VWA8: variants seen among roughly 807,000 people sequenced by gnomAD.
The protein encoded by VWA8 is von Willebrand factor A domain containing 8.
Under a neutral mutation model 241.5 loss-of-function variants are expected in VWA8, and 221 were observed. That is an observed-to-expected ratio of 0.91 (90% CI 0.82 to 1.02). The LOEUF (loss-of-function observed/expected upper bound fraction) is 1.02, where lower values mean the gene tolerates loss of function less well. VWA8 is among the 50% of genes least tolerant of loss of function. The pLI is 0.00. For missense variants in VWA8, 2,322 were observed against 2,328.7 expected (o/e 1.00, Z 0.06); for synonymous variants, 852 against 827.1 (o/e 1.03, Z -0.52).
At chr13:41,841,847 ATATATATAT>A (rs1872063605) in intron 12 of VWA8, among the ~76,000 whole-genome samples, 2 of 99,596 alleles carry the variant, frequency 2.0e-5, no homozygotes, top group Non-Finnish European at 3.9e-5. Flanking sequence ...ATATATATAT[ATATATATAT>A]ATAAAAACAG....
chr13:41,791,786 C>T (rs9532924), intron 17 of VWA8, among the ~76,000 whole-genome samples: 2,161 of 151,824 alleles, frequency 0.014, 30 homozygotes, highest in Middle Eastern at 0.037. Flanking sequence ...ATATTCATTT[C>T]CTACTGATGG....
intron 37 of VWA8, among the ~76,000 whole-genome samples, chr13:41,655,052 G>A (rs766434534): frequency 4.6e-5 from 7 of 151,546 alleles, no homozygotes; most frequent in Non-Finnish European, 4.4e-5. Flanking sequence ...TGTGTTGTTG[G>A]TTACGTTAGG....
rs758879710 is a variant in VWA8 at position 41,685,169 on chromosome 13, T to C, written c.4205A>G (p.Tyr1402Cys). 9.3e-6 allele frequency: 15 copies of C among 1,613,404 alleles called. No homozygotes were observed. The South Asian group carries it at 9.9e-5, about 11-fold the overall frequency. ...HKRSGTDTSF[Y>C]RGKKKRGTPK... ...AGTCCCCCTTTTCTTCTTTCCTCTA[T>C]AGAATGATGTATCAGTGCCACTTCG... The change falls in exon 35 of 45, where the codon TAT becomes TGT. Residue 1402 changes from tyrosine (Y) to cysteine (C), a missense_variant. Physicochemically the swap from Tyr to Cys is radical, Grantham distance 194. Coordinates refer to ENST00000379310, the MANE Select transcript of VWA8 (RefSeq NM_015058.2).
intron 16 of VWA8, among the ~76,000 whole-genome samples, chr13:41,815,942 CA>C (rs1421667178): frequency 6.6e-6 from 1 of 152,112 alleles, no homozygotes; most frequent in Non-Finnish European, 1.5e-5. Context: ...TAAGTAAAGA[CA>C]GCAGGAAAGC....
chr13:41,958,993 A>G (rs1388023073), intron 1 of VWA8, among the ~76,000 whole-genome samples: 2 of 152,208 alleles, frequency 1.3e-5, no homozygotes, highest in African/African-American at 4.8e-5. Flanking sequence ...ACAAAGAACA[A>G]TTGTTTTTTA....
chr13:41,782,545 G>A (rs1475954273), intron 19 of VWA8, among the ~76,000 whole-genome samples: 2 of 152,026 alleles, frequency 1.3e-5, no homozygotes, highest in African/African-American at 2.4e-5. Flanking sequence ...GATTGTGCAA[G>A]AGCATTAATG....
intron 12 of VWA8, among the ~76,000 whole-genome samples, chr13:41,864,141 T>TAAAAAAAAA (rs1173896404): frequency 1.7e-5 from 2 of 114,302 alleles, no homozygotes; most frequent in Non-Finnish European, 3.6e-5. Context: ...ATGATGATTA[T>TAAAAAAAAA]AAAAAAAAAA....
At chr13:41,886,877 CAG>C in intron 6 of VWA8, 47 bp from the exon 7 acceptor site, 1 of 1,408,726 alleles carries the variant, frequency 7.1e-7, no homozygotes, top group Non-Finnish European at 9.8e-7. Flanking sequence ...AGAAATGTAA[CAG>C]ATTAAATGCA....
At chr13:41,887,424 G>T in intron 5 of VWA8, 63 bp from the exon 6 acceptor site, 1 of 1,524,028 alleles carries the variant, frequency 6.6e-7, no homozygotes, top group Non-Finnish European at 8.8e-7. Context: ...TGTAAGAGCT[G>T]CCAAGTCCAG....
At chr13:41,839,933 T>C (rs143495765) in intron 12 of VWA8, among the ~76,000 whole-genome samples, 35,222 of 152,152 alleles carry the variant, frequency 0.23, 5,120 homozygotes, top group Non-Finnish European at 0.31. Flanking sequence ...TTGATGGGGA[T>C]AGCATTGAAT....
At chr13:41,868,502 C>T (rs1338308233) in intron 9 of VWA8, 25 bp from the exon 10 acceptor site, 2 of 1,602,402 alleles carry the variant, frequency 1.2e-6, no homozygotes, top group African/African-American at 1.3e-5. Flanking sequence ...GAAAATCATG[C>T]AATTTACTTT....
At chr13:41,673,818 C>T (rs1426860905) in intron 36 of VWA8, among the ~76,000 whole-genome samples, 6 of 152,160 alleles carry the variant, frequency 3.9e-5, no homozygotes, top group Non-Finnish European at 7.3e-5. Context: ...TGGCTCTGGG[C>T]TGTGCACACA....
In VWA8 at chr13:41,924,579, G is replaced by A. The variant is rs144833221; in HGVS notation, c.242-12411C>T. Among the ~76,000 whole-genome samples, 936 of 152,218 alleles carry A rather than the reference G, an allele frequency of 6.1e-3. 6 individuals are homozygous for A. The highest frequency in any genetic ancestry group is 0.021 in the African/African-American group (891 of 41,536). Reference sequence around the variant, plus strand: ...CATTATGGGATATTCAGATGGAGAGGAGACAAAGACAGGGACAGAAAGCTT... The same window carrying A: ...CATTATGGGATATTCAGATGGAGAGAAGACAAAGACAGGGACAGAAAGCTT... On this transcript the variant is annotated intron_variant, in intron 2 of 44. Transcript: ENST00000379310.
At chr13:41,871,774 A>T (rs1418942830) in intron 9 of VWA8, among the ~76,000 whole-genome samples, 109 of 152,280 alleles carry the variant, frequency 7.2e-4, no homozygotes, top group Non-Finnish European at 1.4e-3. Flanking sequence ...ATACATGTGC[A>T]TGTGTCTTTA....
At chr13:41,673,759 A>G (rs180718336) in intron 36 of VWA8, among the ~76,000 whole-genome samples, 1 of 152,280 alleles carries the variant, frequency 6.6e-6, no homozygotes, top group Non-Finnish European at 1.5e-5. Context: ...CTTTCATTAT[A>G]TTTCCATTGG....
At position 41,573,108 on chromosome 13, in the gene VWA8, CAAAAAA is replaced by C. The variant is rs71086585; in HGVS notation, c.5371-2408_5371-2403del. ...TGGGCGACAGAGCAAGACACCGTTT[CAAAAAA>C]AAAAAAAAAAAAAGAAACAAGCCAG... On this transcript the variant is annotated intron_variant, in intron 43 of 44. Transcript: ENST00000379310. Among the ~76,000 whole-genome samples the C allele has an allele frequency of 1.9e-3, 136 of 72,408 alleles. 1 individual carries two copies. The highest frequency in any genetic ancestry group is 9.3e-3 in the Middle Eastern group (1 of 108). The allele number at this position is 72,408 out of a possible 152,430, so 47.5% of individuals were successfully genotyped here. A position where few individuals can be genotyped will look rare whatever the true frequency, so the allele number is the denominator to read the frequency against.
intron 43 of VWA8, among the ~76,000 whole-genome samples, chr13:41,574,519 T>G (rs1290817636): frequency 1.3e-5 from 2 of 152,194 alleles, no homozygotes; most frequent in African/African-American, 4.8e-5. Flanking sequence ...ACAGGTTCAG[T>G]GTAATTCCCA....
chr13:41,930,064 G>A (rs993499234), intron 2 of VWA8, among the ~76,000 whole-genome samples: 1 of 152,058 alleles, frequency 6.6e-6, no homozygotes, highest in Non-Finnish European at 1.5e-5. Flanking sequence ...TTTAAAAATG[G>A]GCAAAGGATT....
At chr13:41,860,438 T>A (rs545483969) in intron 12 of VWA8, among the ~76,000 whole-genome samples, 1 of 152,292 alleles carries the variant, frequency 6.6e-6, no homozygotes, top group South Asian at 2.1e-4. Context: ...AGAGGACTGA[T>A]AAGACATGAC....
Sources: allele counts gnomAD v4.1 joint callset (sites outside exome capture counted in the v4.1 genomes callset), GRCh38; gene constraint gnomAD v4.1.1; transcripts MANE v1.5; gene names NCBI Gene and HGNC (gene_info 2026-07-23, HGNC 2026-07-21).